The following CSMD3 variants were observed in gnomAD, a reference collection of about 807,000 sequenced individuals.
CSMD3 encodes the protein CUB and Sushi multiple domains 3, also known as CUB and sushi domain-containing protein 3.
Under a neutral mutation model 435.2 loss-of-function variants are expected in CSMD3, and 177 were observed. The observed-to-expected ratio is 0.41, with a 90% CI of 0.36 to 0.46. CSMD3 has a LOEUF of 0.46. Among genes scored for constraint, CSMD3 ranks in the 20% least tolerant of loss-of-function variants. The pLI is 0.34. For missense variants in CSMD3, 4,265 were observed against 4,504.6 expected, an observed-to-expected ratio of 0.95 and a Z score of 1.52; for synonymous variants, 1,656 against 1,520.5, an observed-to-expected ratio of 1.09 and a Z score of -2.07.
At chr8:112,954,628 A>T (rs2083943642) in intron 8 of CSMD3, 56 bp downstream of exon 8, 2 of 1,074,688 alleles carry the variant, frequency 1.9e-6, no homozygotes, top group Admixed American at 3.5e-5. Context: ...AACAACACAG[A>T]CACCACAAAC....
intron 11 of CSMD3, among the ~76,000 whole-genome samples, chr8:112,858,506 T>TA (rs1359118294): frequency 4.6e-5 from 7 of 151,846 alleles, no homozygotes; most frequent in Admixed American, 4.6e-4. Flanking sequence ...AATCACATCT[T>TA]ACAAACAGAA....
At chr8:112,517,003 T>C (rs1823738193) in intron 28 of CSMD3, 31 bp downstream of exon 28, 8 of 1,526,046 alleles carry the variant, frequency 5.2e-6, no homozygotes, top group Non-Finnish European at 6.4e-6. Context: ...TTTATGTTTA[T>C]ATAAAATTTT....
At chr8:113,175,577 C>A (rs1375048966) in intron 3 of CSMD3, among the ~76,000 whole-genome samples, 6 of 151,828 alleles carry the variant, frequency 4.0e-5, no homozygotes, top group African/African-American at 7.2e-5. Context: ...ACTTTATTGT[C>A]TGTGAATTTT....
At chr8:112,814,493 C>T in intron 12 of CSMD3, among the ~76,000 whole-genome samples, 1 of 152,112 alleles carries the variant, frequency 6.6e-6, no homozygotes, top group Admixed American at 6.6e-5. Flanking sequence ...ATTCAAAATG[C>T]TCATTATGGC....
intron 22 of CSMD3, among the ~76,000 whole-genome samples, chr8:112,592,712 T>C (rs1831300770): frequency 6.6e-6 from 1 of 152,150 alleles, no homozygotes. Context: ...CATTTTTTCT[T>C]CTTTCCATGA....
intron 22 of CSMD3, among the ~76,000 whole-genome samples, chr8:112,610,218 A>G (rs1258063031): frequency 6.6e-6 from 1 of 152,140 alleles, no homozygotes. Context: ...GGATATGTAA[A>G]TTAGCTTGAT....
chr8:112,947,045 T>C (rs968905418), intron 9 of CSMD3, among the ~76,000 whole-genome samples: 17 of 151,628 alleles, frequency 1.1e-4, no homozygotes, highest in Admixed American at 9.9e-4. Context: ...GCATAAATAA[T>C]TGAAAAATAA....
chr8:112,863,691 T>C (rs968881599), intron 10 of CSMD3, among the ~76,000 whole-genome samples: 1 of 152,118 alleles, frequency 6.6e-6, no homozygotes, highest in Non-Finnish European at 1.5e-5. Context: ...TTCAATTTTA[T>C]TGAGTTCAAA....
At chr8:112,517,827 G>A (rs2130994137) in intron 27 of CSMD3, among the ~76,000 whole-genome samples, 1 of 152,210 alleles carries the variant, frequency 6.6e-6, no homozygotes, top group African/African-American at 2.4e-5. Context: ...AATGTAAAGT[G>A]GTAAAACCAC....
chr8:112,734,692 T>C (rs879556060), intron 13 of CSMD3, among the ~76,000 whole-genome samples: 3 of 151,990 alleles, frequency 2.0e-5, no homozygotes, highest in Non-Finnish European at 4.4e-5. Flanking sequence ...ATGCATGAAC[T>C]GAAATTCCAC....
rs762508558 is a variant in CSMD3 at position 113,436,795 on chromosome 8, G to C, written c.60C>G (p.Gly20=). The part of the protein sequence containing the change: ...RAKESKPWEP[G]KRRCAKCGRL... ...GGCCACATTTAGCGCATCTTCGCTT[G>C]CCAGGCTCCCAGGGTTTGGATTCCT... Residue 20 remains glycine, a synonymous_variant, in exon 1 of 71, where the codon GGC becomes GGG. Transcript: ENST00000297405. The C allele has an allele frequency of 1.2e-6, 2 of 1,614,136 alleles. No homozygotes were observed. Among genetic ancestry groups the C allele is most frequent in the East Asian group, 4.5e-5 (2 of 44,870 alleles).
intron 38 of CSMD3, among the ~76,000 whole-genome samples, chr8:112,379,161 T>C (rs574424333): frequency 6.6e-6 from 1 of 152,260 alleles, no homozygotes; most frequent in Non-Finnish European, 1.5e-5. Flanking sequence ...GGTGAAAGAC[T>C]TGCACTCTAA....
intron 7 of CSMD3, among the ~76,000 whole-genome samples, chr8:112,963,916 A>T (rs948801384): frequency 6.6e-6 from 1 of 151,962 alleles, no homozygotes; most frequent in Non-Finnish European, 1.5e-5. Flanking sequence ...TAAGACATTT[A>T]AAACTGTGCT....
chr8:112,962,362 TAAG>T (rs1238592358), intron 7 of CSMD3, among the ~76,000 whole-genome samples: 2 of 151,884 alleles, frequency 1.3e-5, no homozygotes, highest in East Asian at 3.8e-4. Flanking sequence ...GCACTCAACA[TAAG>T]AAATCACTTA....
intron 45 of CSMD3, among the ~76,000 whole-genome samples, chr8:112,327,790 T>G (rs904668987): frequency 2.0e-5 from 3 of 152,224 alleles, no homozygotes; most frequent in Non-Finnish European, 4.4e-5. Flanking sequence ...TTTGTCCAAA[T>G]GTGCATAGAT....
chr8:112,421,691 CTA>C (rs955643077), intron 32 of CSMD3, among the ~76,000 whole-genome samples: 1 of 143,638 alleles, frequency 7.0e-6, no homozygotes, highest in Non-Finnish European at 1.5e-5. Context: ...ATATGTATAC[CTA>C]TATATATATA....
intron 28 of CSMD3, among the ~76,000 whole-genome samples, chr8:112,511,727 C>T (rs1173444124): frequency 6.6e-6 from 1 of 151,998 alleles, no homozygotes; most frequent in Non-Finnish European, 1.5e-5. Context: ...AGAAGTCTGC[C>T]GTAGTACTGG....
At chr8:112,235,388 A>G (rs1447861948) in intron 67 of CSMD3, among the ~76,000 whole-genome samples, 2 of 151,836 alleles carry the variant, frequency 1.3e-5, no homozygotes, top group East Asian at 3.9e-4. Context: ...TGCCTCAAAA[A>G]AAACAAAAAA....
chr8:112,887,231 G>A (rs1168996389), intron 10 of CSMD3, among the ~76,000 whole-genome samples: 1 of 142,244 alleles, frequency 7.0e-6, no homozygotes, highest in African/African-American at 2.6e-5. Flanking sequence ...ATAAAAGAAT[G>A]TAACTGGGAT....
Sources: gnomAD v4.1 joint callset for allele counts (sites outside exome capture counted in the v4.1 genomes callset) on GRCh38, gnomAD v4.1.1 for gene constraint, MANE v1.5 for transcripts, NCBI Gene and HGNC (gene_info 2026-07-23, HGNC 2026-07-21) for gene names.